The following SF3B2 variants were observed in gnomAD, a reference collection of about 807,000 sequenced individuals.
SF3B2 encodes the protein SAP 145.
A neutral mutation model predicts 116.3 loss-of-function variants in SF3B2; 22 were observed. The observed-to-expected ratio is 0.19, with a 90% CI of 0.14 to 0.27. The LOEUF (loss-of-function observed/expected upper bound fraction) is 0.27. SF3B2 is among the 10% of genes least tolerant of loss of function. The pLI is 1.00. For missense variants in SF3B2, 767 were observed against 1,151.4 expected (o/e 0.67, Z 4.83); for synonymous variants, 406 against 421.6 (o/e 0.96, Z 0.45).
intron 13 of SF3B2, 62 bp from the exon 14 acceptor site, chr11:66,060,520 T>C: frequency 6.3e-7 from 1 of 1,590,660 alleles, no homozygotes; most frequent in Non-Finnish European, 8.6e-7. Context: ...AGTTGGGAGC[T>C]GGATTCTCTA....
Position 66,068,708 on chromosome 11 carries a change from G to A in SF3B2, c.2651G>A (p.Arg884His), listed in dbSNP as rs148991018. The A allele has an allele frequency of 1.3e-4, 202 of 1,613,956 alleles. 1 individual carries two copies. Among genetic ancestry groups the A allele is most frequent in the Non-Finnish European group, 1.6e-4 (186 of 1,180,014 alleles). ...KKRKAQPQDSRGGSKKYKEFK... is the reference protein window; with the variant it reads ...KKRKAQPQDSHGGSKKYKEFK... ...CGGAAAGCTCAGCCCCAGGACAGCC[G>A]TGGGGGCAGCAAGAAATATAAGGAG... Residue 884 changes from arginine (R) to histidine (H), a missense_variant, in exon 22 of 22, where the codon CGT becomes CAT. Physicochemically the swap from Arg to His is conservative, Grantham distance 29 (BLOSUM62 0). This residue lies in a region of SF3B2 where 27 missense variants were observed against 28.0 expected (regional missense o/e 0.96). Coordinates refer to ENST00000322535, the MANE Select transcript of SF3B2 (RefSeq NM_006842.3).
intron 5 of SF3B2, 96 bp downstream of exon 5, chr11:66,055,681 C>G (rs1856981723): frequency 1.8e-6 from 2 of 1,103,836 alleles, no homozygotes; most frequent in Non-Finnish European, 2.7e-6. Context: ...TCCCTGGAGG[C>G]TACTTTGTTC....
chr11:66,064,621 A>G (rs1857149064), intron 19 of SF3B2: 1 of 152,164 alleles, frequency 6.6e-6, no homozygotes, highest in Admixed American at 6.5e-5. Context: ...TTCTTTGTGT[A>G]TATCCAGGTT....
chr11:66,052,460 G>T lies in SF3B2; in HGVS notation c.76G>T (p.Ala26Ser), dbSNP rs11554199. The T allele has an allele frequency of 7.8e-3, 12,574 of 1,613,678 alleles. 79 individuals carry two copies. Among genetic ancestry groups the T allele is most frequent in the Middle Eastern group, 0.011 (66 of 5,972 alleles). The change falls in exon 1 of 22, where the codon GCC becomes TCC. Residue 26 changes from alanine to serine, a missense_variant. Transcript: ENST00000322535. Reference protein sequence around the residue: ...PPPPPPGHYGAWAAQELQAKL... With the variant: ...PPPPPPGHYGSWAAQELQAKL... ...GCCGCCACCTCCAGGCCACTATGGC[G>T]CCTGGGCTGCCCAGGAGCTTCAGGC...
At position 66,068,174 on chromosome 11, in the gene SF3B2, T is replaced by C; in HGVS notation, c.2457T>C (p.Pro819=). The C allele has an allele frequency of 6.2e-7, 1 of 1,614,236 alleles. No individual in the cohort carries two copies. Among genetic ancestry groups the C allele is most frequent in the Non-Finnish European group, 8.5e-7 (1 of 1,180,032 alleles). The part of the protein sequence containing the change: ...STVMSRKGPA[P]ELQGVEVALA... ...TTATGAGCCGGAAGGGCCCGGCTCC[T>C]GAGCTGCAAGGTGTGGAAGTGGCGC... The change falls in exon 21 of 22, where the codon CCT becomes CCC. Residue 819 remains proline (P), a synonymous_variant. Transcript: ENST00000322535.
At chr11:66,061,852 G>A in intron 15 of SF3B2, 39 bp from the exon 16 acceptor site, 1 of 1,604,914 alleles carries the variant, frequency 6.2e-7, no homozygotes, top group Non-Finnish European at 8.5e-7. Flanking sequence ...GACAGGGATA[G>A]GGTTTGGCAG....
rs1051573862 is a variant in SF3B2 at position 66,052,655 on chromosome 11, G to T, written c.134-18G>T. 1 of 1,597,656 alleles carries T rather than the reference G, an allele frequency of 6.3e-7. No individual in the cohort carries two copies. The highest frequency in any genetic ancestry group is 8.5e-7 in the Non-Finnish European group (1 of 1,172,940). On this transcript the variant is annotated intron_variant, in intron 1 of 21. Coordinates refer to ENST00000322535, the MANE Select transcript of SF3B2 (RefSeq NM_006842.3). ...GCCGGGCTGGCCTGCCCCATTGATC[G>T]TGTACTTTGCCCTGCAGGTAATCGC...
chr11:66,069,230 C>T lies in SF3B2; in HGVS notation c.*485C>T. On this transcript the variant is annotated 3_prime_UTR_variant, in exon 22 of 22. Coordinates refer to ENST00000322535, the MANE Select transcript of SF3B2 (RefSeq NM_006842.3). Reference sequence around the variant, plus strand: ...TGGGAAGTAGGCCAGGGCAGGCCTTCCCAACTGACCTTGTGACCAGAAGTT... The same window carrying T: ...TGGGAAGTAGGCCAGGGCAGGCCTTTCCAACTGACCTTGTGACCAGAAGTT... The T allele has an allele frequency of 2.6e-6, 1 of 378,962 alleles. No individual in the cohort carries two copies. The highest frequency in any genetic ancestry group is 2.8e-5 in the Admixed American group (1 of 35,380). The allele number at this position is 378,962 out of a possible 1,614,324, so 23.5% of individuals were successfully genotyped here.
chr11:66,066,952 TCTCC>T, intron 19 of SF3B2: 1 of 166,090 alleles, frequency 6.0e-6, no homozygotes, highest in South Asian at 1.5e-4. Context: ...TCTCCATGAG[TCTCC>T]CCTCTGTTCT....
In SF3B2 at chr11:66,059,748, C is replaced by T; in HGVS notation, c.1402-34C>T. ...GAGCTTCAGAACTGAGAAGTCGGGG[C>T]TCTCGAGAACACGCATTACTATGTG... On this transcript the variant is annotated intron_variant, in intron 12 of 21. Coordinates refer to ENST00000322535, the MANE Select transcript of SF3B2 (RefSeq NM_006842.3). The surrounding 1 kb of genome is among the most constrained non-coding windows in gnomAD (Gnocchi z 5.0). 6.2e-7 allele frequency: 1 copy of T among 1,610,262 alleles called. No homozygotes were observed. The highest frequency in any genetic ancestry group is 8.5e-7 in the Non-Finnish European group (1 of 1,176,552).
Position 66,060,017 on chromosome 11 carries a change from C to T in SF3B2, c.1629+8C>T. 3.1e-6 allele frequency: 5 copies of T among 1,612,250 alleles called. No individual in the cohort carries two copies. The highest frequency in any genetic ancestry group is 4.2e-6 in the Non-Finnish European group (5 of 1,179,002). On this transcript the variant is annotated splice_region_variant and intron_variant, in intron 13 of 21. Transcript: ENST00000322535. ...GAGGCCCTGCAGGAGAAGGTGAGGG[C>T]CTGGCAGGGCTCAGACCTGCCCCCG... is the stretch of plus-strand genomic sequence containing the variant.
At chr11:66,062,412 G>T (rs2135051769) in intron 16 of SF3B2, among the ~76,000 whole-genome samples, 1 of 151,610 alleles carries the variant, frequency 6.6e-6, no homozygotes, top group East Asian at 1.9e-4. Flanking sequence ...TGAGGTGGGA[G>T]GATCCCTTGG....
chr11:66,064,112 C>G (rs920942422), intron 19 of SF3B2, among the ~76,000 whole-genome samples: 1 of 152,158 alleles, frequency 6.6e-6, no homozygotes, highest in East Asian at 1.9e-4. Flanking sequence ...CAGGGATGGG[C>G]TAGTATTTTG....
Position 66,063,708 on chromosome 11 carries a change from A to T in SF3B2, c.2309A>T (p.Lys770Met), listed in dbSNP as rs1244658417. 1.9e-6 allele frequency: 3 copies of T among 1,612,890 alleles called. No homozygotes were observed. The highest frequency in any genetic ancestry group is 1.3e-5 in the African/African-American group (1 of 75,012). ...GAACTCATTGAGCTGAGGAAGAAGA[A>T]GATTGAGGAGGCGATGGACGGGTAA... ...TPELIELRKKKIEEAMDGSET... is the reference protein window; with the variant it reads ...TPELIELRKKMIEEAMDGSET... The change falls in exon 19 of 22, where the codon AAG becomes ATG. Residue 770 changes from lysine (K) to methionine (M), a missense_variant. Physicochemically the swap from Lys to Met is moderately conservative, Grantham distance 95 (BLOSUM62 -1). Coordinates refer to ENST00000322535, the MANE Select transcript of SF3B2 (RefSeq NM_006842.3).
In SF3B2 at chr11:66,060,748, G is replaced by C. The variant is rs746213641; in HGVS notation, c.1779+17G>C. ...TACTATGAGGTTCGGGAGGGGGCTG[G>C]GAGAGGTCAGGCTGGGCCTTGGGGT... On this transcript the variant is annotated intron_variant, in intron 14 of 21. Transcript: ENST00000322535. 1 of 1,613,704 alleles carries C rather than the reference G, an allele frequency of 6.2e-7. No homozygotes were observed. The highest frequency in any genetic ancestry group is 1.1e-5 in the South Asian group (1 of 91,072).
Position 66,063,745 on chromosome 11 carries a change from A to G in SF3B2, c.2330+16A>G, listed in dbSNP as rs980932708. ...CGATGGACGGGTAAGGGTACCAGAC[A>G]GGGCTGAGAGGGGAGGACCTTCACT... is the stretch of plus-strand genomic sequence containing the variant. On this transcript the variant is annotated intron_variant, in intron 19 of 21. Coordinates refer to ENST00000322535, the MANE Select transcript of SF3B2 (RefSeq NM_006842.3). The G allele has an allele frequency of 3.2e-6, 5 of 1,569,562 alleles. No homozygotes were observed. In the African/African-American group the frequency reaches 6.8e-5, roughly 21 times the overall value.
At chr11:66,068,579 A>T in intron 21 of SF3B2, 95 bp from the exon 22 acceptor site, 1 of 1,112,050 alleles carries the variant, frequency 9.0e-7, no homozygotes, top group African/African-American at 1.6e-5. Context: ...CCTTTCCCAC[A>T]GACTTCTATG....
At chr11:66,057,659 C>T (rs1857025240) in intron 7 of SF3B2, among the ~76,000 whole-genome samples, 1 of 152,010 alleles carries the variant, frequency 6.6e-6, no homozygotes, top group African/African-American at 2.4e-5. Context: ...CTTTCTAGTC[C>T]AAGAGGTGGA....
At position 66,067,955 on chromosome 11, in the gene SF3B2, A is replaced by C; in HGVS notation, c.2340A>C (p.Thr780=). The change falls in exon 20 of 22, where the codon ACA becomes ACC. Residue 780 remains threonine, a synonymous_variant. Transcript: ENST00000322535. ...KIEEAMDGSE[T]PQLFTVLPEK... ...CCATTGTCCTTCGCAGAAGTGAGAC[A>C]CCTCAGCTCTTCACTGTGTTGCCAG... 6.2e-7 allele frequency: 1 copy of C among 1,613,882 alleles called. No homozygotes were observed. The highest frequency in any genetic ancestry group is 8.5e-7 in the Non-Finnish European group (1 of 1,179,940).
Sources: allele counts gnomAD v4.1 joint callset (sites outside exome capture counted in the v4.1 genomes callset), GRCh38; gene constraint gnomAD v4.1.1; regional missense constraint gnomAD v4.1.1; non-coding constraint Gnocchi (gnomAD v3.1); transcripts MANE v1.5; gene names NCBI Gene and HGNC (gene_info 2026-07-23, HGNC 2026-07-21).